PCLO: variants seen among roughly 807,000 people sequenced by gnomAD.
PCLO encodes protein piccolo.
In PCLO, 82 loss-of-function variants were observed where a neutral mutation model predicts 427.5. The ratio of observed to expected loss-of-function variants is 0.19; its 90% CI spans 0.16 to 0.23. The LOEUF is 0.23. Among genes scored for constraint, PCLO ranks in the 10% least tolerant of loss-of-function variants. The pLI, the probability that PCLO is intolerant of heterozygous loss-of-function variation, is 1.00. For synonymous variants in PCLO, 2,357 were observed against 2,155.4 expected, an observed-to-expected ratio of 1.09 and a Z score of -2.59; for missense variants, 6,239 against 6,115.9, an observed-to-expected ratio of 1.02 and a Z score of -0.67.
chr7:82,926,709 A>C (rs1794720384), intron 6 of PCLO, among the ~76,000 whole-genome samples: 1 of 152,198 alleles, frequency 6.6e-6, no homozygotes, highest in South Asian at 2.1e-4. Flanking sequence ...ACTGGACAGA[A>C]GCATTAGAGA....
chr7:82,875,778 TATAC>T (rs1343713974), intron 10 of PCLO, among the ~76,000 whole-genome samples: 108 of 152,200 alleles, frequency 7.1e-4, no homozygotes, highest in East Asian at 1.9e-3. Context: ...CTCATAAATC[TATAC>T]AGGTATTATT....
rs71074624 is a variant in PCLO at position 83,122,286 on chromosome 7, C to CT, written c.3300+11963dup. Among the ~76,000 whole-genome samples, 1,040 of 128,248 alleles carry CT rather than the reference C, an allele frequency of 8.1e-3. 6 individuals are homozygous for CT. The highest frequency in any genetic ancestry group is 0.014 in the South Asian group (59 of 4,082). 84.1% of individuals were successfully genotyped at this position (128,248 alleles called of 152,430 possible). A position where few individuals can be genotyped will look rare whatever the true frequency, so the allele number is the denominator to read the frequency against. On this transcript the variant is annotated intron_variant, in intron 3 of 24. Coordinates refer to ENST00000333891, the MANE Select transcript of PCLO (RefSeq NM_033026.6). ...TTTCCTTCTTTCTTTCTTTTCTTTT[C>CT]TTTTTTTTTTTTTTTTTTTTATGGT...
rs1429740610 is a variant in PCLO, at chr7:82,950,943, G to A, written c.9645C>T (p.Asp3215=). 5.6e-6 allele frequency: 9 copies of A among 1,613,308 alleles called. No individual in the cohort carries two copies. The Admixed American group carries it at 1.5e-4, about 27-fold the overall frequency. ...CCAGTTCCAGGAGCTCACGCTCCAA[G>A]TCTAGCTGCTGCTGTTGTTTATCTT... The part of the protein sequence containing the change: ...PEEDKQQQQL[D]LERELLELEK... The change falls in exon 6 of 25, where the codon GAC becomes GAT. Residue 3215 remains aspartate (D), a synonymous_variant. Transcript: ENST00000333891.
intron 15 of PCLO, among the ~76,000 whole-genome samples, chr7:82,836,258 A>C (rs1431186302): frequency 6.6e-6 from 1 of 152,226 alleles, no homozygotes; most frequent in Non-Finnish European, 1.5e-5. Flanking sequence ...ATAAACAACA[A>C]TGCTTTATTT....
At position 82,824,375 on chromosome 7, in the gene PCLO, A is replaced by G; in HGVS notation, c.14457T>C (p.Thr4819=). ...GTTCTTTGAGAGGATACCACCTTGG[A>G]GTGTTATCGAGGTGAGATGTGCTAG... is the stretch of plus-strand genomic sequence containing the variant. ...DLSSTSHLDN[T]PRWYPLKEQT... is the part of the protein sequence containing the mutation. Residue 4819 remains threonine (T), a synonymous_variant, in exon 19 of 25, where the codon ACT becomes ACC. Transcript: ENST00000333891. The G allele has an allele frequency of 6.2e-7, 1 of 1,611,880 alleles. No homozygotes were observed. Among genetic ancestry groups the G allele is most frequent in the South Asian group, 1.1e-5 (1 of 90,946 alleles).
intron 10 of PCLO, 86 bp downstream of exon 10, chr7:82,879,251 A>G: frequency 8.4e-7 from 1 of 1,187,552 alleles, no homozygotes; most frequent in Non-Finnish European, 1.2e-6. Context: ...TACACAGAGA[A>G]GGATGAGAAC....
At chr7:83,127,882 T>G (rs930696243) in intron 3 of PCLO, among the ~76,000 whole-genome samples, 2 of 152,100 alleles carry the variant, frequency 1.3e-5, no homozygotes, top group Non-Finnish European at 2.9e-5. Context: ...CCTAAGTACT[T>G]TGATCATTAG....
In PCLO at chr7:82,915,435, A is replaced by G. The variant is rs756155036; in HGVS notation, c.12551T>C (p.Leu4184Pro). 1.9e-6 allele frequency: 3 copies of G among 1,613,602 alleles called. No individual in the cohort carries two copies. Among genetic ancestry groups the G allele is most frequent in the Non-Finnish European group, 2.5e-6 (3 of 1,179,734 alleles). Residue 4184 changes from leucine to proline, a missense_variant, in exon 7 of 25, where the codon CTT becomes CCT. Physicochemically the swap from Leu to Pro is moderately conservative, Grantham distance 98. Around this residue, in one of 5 missense-constraint regions of PCLO, gnomAD observed 680 missense variants for 677.3 expected, o/e 1.00. Coordinates refer to ENST00000333891, the MANE Select transcript of PCLO (RefSeq NM_033026.6). ...CTTATGCTTTGACTGCTTTTGATAA[A>G]GTATGGCTGCTGGCAGTTGTTTTGC... ...QAAKQLPAAI[L>P]YQKQSKHKKS...
chr7:82,916,348 G>C lies in PCLO; in HGVS notation c.11638C>G (p.Pro3880Ala). ...TATTGTGTGTAAGGACTTGTCGGAGGAACTAGTTGAGATTCTGTTTGGGTT... is the reference window on the plus strand; with the variant it reads ...TATTGTGTGTAAGGACTTGTCGGAGCAACTAGTTGAGATTCTGTTTGGGTT... ...PQTQTESQLV[P>A]PTSPYTQYQY... Residue 3880 changes from proline to alanine, a missense_variant, in exon 7 of 25, where the codon CCT (proline) becomes GCT (alanine). Pro to Ala is a conservative substitution (Grantham distance 27, BLOSUM62 -1). Transcript: ENST00000333891. The C allele has an allele frequency of 1.9e-6, 3 of 1,613,718 alleles. No individual in the cohort carries two copies. Among genetic ancestry groups the C allele is most frequent in the Non-Finnish European group, 2.5e-6 (3 of 1,179,746 alleles).
At chr7:82,908,807 A>T in intron 8 of PCLO, 70 bp downstream of exon 8, 4 of 1,315,576 alleles carry the variant, frequency 3.0e-6, no homozygotes, top group Non-Finnish European at 4.3e-6. Context: ...TAGGACAATT[A>T]AGACCATTCT....
At chr7:82,975,603 G>A (rs1795999791) in intron 3 of PCLO, among the ~76,000 whole-genome samples, 1 of 152,140 alleles carries the variant, frequency 6.6e-6, no homozygotes, top group Non-Finnish European at 1.5e-5. Context: ...CGATTCTGCA[G>A]GGTGTAAACT....
rs747294452 is a variant in PCLO at position 82,914,846 on chromosome 7, G to C, written c.13140C>G (p.Pro4380=). 2 of 1,613,458 alleles carry C rather than the reference G, an allele frequency of 1.2e-6. No homozygotes were observed. The highest frequency in any genetic ancestry group is 1.7e-6 in the Non-Finnish European group (2 of 1,179,698). ...PMGMARAAAG[P]LPPISADTRD... The stretch of plus-strand genomic sequence containing the variant: ...TGGTGTCTGCAGATATTGGTGGCAG[G>C]GGTCCAGCTGCAGCCCTGGCCATTC... The change falls in exon 7 of 25, where the codon CCC becomes CCG. Residue 4380 remains proline (P), a synonymous_variant. Coordinates refer to ENST00000333891, the MANE Select transcript of PCLO (RefSeq NM_033026.6).
At chr7:83,146,072 A>G (rs1791987147) in intron 2 of PCLO, among the ~76,000 whole-genome samples, 1 of 152,224 alleles carries the variant, frequency 6.6e-6, no homozygotes, top group African/African-American at 2.4e-5. Flanking sequence ...AATGCATATA[A>G]AGTGCTTCGT....
At chr7:82,897,574 A>G (rs975919165) in intron 9 of PCLO, among the ~76,000 whole-genome samples, 1 of 151,422 alleles carries the variant, frequency 6.6e-6, no homozygotes, top group African/African-American at 2.4e-5. Flanking sequence ...TTATAGTAAT[A>G]ATTACTTACA....
At chr7:83,028,025 C>G (rs1788551752) in intron 3 of PCLO, among the ~76,000 whole-genome samples, 1 of 144,838 alleles carries the variant, frequency 6.9e-6, no homozygotes, top group Non-Finnish European at 1.5e-5. Flanking sequence ...AAACTGGAAG[C>G]ATTCCCTTTG....
chr7:82,840,365 T>A (rs77213301), intron 14 of PCLO, among the ~76,000 whole-genome samples: 1 of 152,040 alleles, frequency 6.6e-6, no homozygotes, highest in African/African-American at 2.4e-5. Flanking sequence ...TCCTGGATAA[T>A]CACTTAATTG....
chr7:82,815,978 G>C (rs1791670626), intron 20 of PCLO, among the ~76,000 whole-genome samples: 1 of 151,890 alleles, frequency 6.6e-6, no homozygotes, highest in African/African-American at 2.4e-5. Flanking sequence ...TTATATTTCG[G>C]ATATAATTTG....
chr7:83,094,200 A>ATTTTT (rs61624053), intron 3 of PCLO, among the ~76,000 whole-genome samples: 1 of 107,892 alleles, frequency 9.3e-6, no homozygotes, highest in Non-Finnish European at 1.9e-5. Context: ...TTTGGGACTG[A>ATTTTT]TTTTTTTTTC....
At position 82,915,880 on chromosome 7, in the gene PCLO, C is replaced by T; in HGVS notation, c.12106G>A (p.Ala4036Thr). Residue 4036 changes from alanine (A) to threonine (T), a missense_variant, in exon 7 of 25, where the codon GCA becomes ACA. Ala to Thr is a moderately conservative substitution (Grantham distance 58). Coordinates refer to ENST00000333891, the MANE Select transcript of PCLO (RefSeq NM_033026.6). ...CGTGGAGTATGGTGATCAATATCTG[C>T]ATAGAAAGAATCTGCAGATATGCTT... ...ISSISADSFY[A>T]DIDHHTPRNY... is the part of the protein sequence containing the mutation. 3 of 1,613,504 alleles carry T rather than the reference C, an allele frequency of 1.9e-6. No individual in the cohort carries two copies. The highest frequency in any genetic ancestry group is 2.5e-6 in the Non-Finnish European group (3 of 1,179,756).
Sources: allele counts gnomAD v4.1 joint callset (sites outside exome capture counted in the v4.1 genomes callset), GRCh38; gene constraint gnomAD v4.1.1; regional missense constraint gnomAD v4.1.1; transcripts MANE v1.5; gene names NCBI Gene and HGNC (gene_info 2026-07-23, HGNC 2026-07-21).